Variants in PFKFB3 observed in about 807,000 individuals in gnomAD.
The protein encoded by PFKFB3 is 6-phosphofructo-2-kinase/fructose-2,6-biphosphatase 3, also known as 6-phosphofructo-2-kinase/fructose-2,6-bisphosphatase 3.
A neutral mutation model predicts 68.0 loss-of-function variants in PFKFB3; 33 were observed. That is an observed-to-expected ratio of 0.49 (90% confidence interval 0.37 to 0.65). The LOEUF (loss-of-function observed/expected upper bound fraction) is 0.65. Among genes scored for constraint, PFKFB3 ranks in the 30% least tolerant of loss-of-function variants. The pLI is 0.00. For synonymous variants in PFKFB3, 315 were observed against 288.2 expected (o/e 1.09, Z -0.94); for missense variants, 586 against 712.2 (o/e 0.82, Z 2.02).
chr10:6,187,124 G>T (rs892666375), intron 1 of PFKFB3, among the ~76,000 whole-genome samples: 4 of 152,062 alleles, frequency 2.6e-5, no homozygotes, highest in Non-Finnish European at 5.9e-5. Flanking sequence ...ATTTTGGGAG[G>T]CCAAGGCGGG....
chr10:6,231,193 C>A (rs1007659774), intron 14 of PFKFB3: 1 of 1,097,156 alleles, frequency 9.1e-7, no homozygotes, highest in Non-Finnish European at 1.4e-6. Flanking sequence ...CTAGAAAATC[C>A]TACTAAAGAT....
At chr10:6,203,906 TTCTC>T (rs1216197573) in intron 1 of PFKFB3, among the ~76,000 whole-genome samples, 1 of 150,558 alleles carries the variant, frequency 6.6e-6, no homozygotes, top group Non-Finnish European at 1.5e-5. Context: ...TTTTATCTCT[TTCTC>T]TCTCCTTCTC....
chr10:6,320,331 C>A, the PFKFB3 span, among the ~76,000 whole-genome samples: 1 of 152,114 alleles, frequency 6.6e-6, no homozygotes, highest in Admixed American at 6.5e-5. Context: ...TTTGGCTCAA[C>A]CTGGTTTTAA....
At chr10:6,173,182 C>G (rs1270448078) in intron 1 of PFKFB3, among the ~76,000 whole-genome samples, 1 of 152,176 alleles carries the variant, frequency 6.6e-6, no homozygotes, top group South Asian at 2.1e-4. Context: ...CCCTGACTTT[C>G]TAGGCAGAGT....
At chr10:6,308,987 G>A in the PFKFB3 span, among the ~76,000 whole-genome samples, 5,387 of 152,270 alleles carry the variant, frequency 0.035, 146 homozygotes, top group Middle Eastern at 0.15. Flanking sequence ...TGGGACTTTT[G>A]GGATGCTCTA....
chr10:6,224,398 C>G, intron 13 of PFKFB3, 185 bp downstream of exon 13: 2 of 632,700 alleles, frequency 3.2e-6, no homozygotes, highest in Admixed American at 2.6e-5. Flanking sequence ...CTTCTGGGGC[C>G]TTCTCATTTT....
rs1564619690 is a variant in PFKFB3, at chr10:6,206,823, TCCTCACTTCCCA to T, written c.76+3488_76+3499del. 9.6e-3 allele frequency among the ~76,000 whole-genome samples: 186 copies of T among 19,396 alleles called. 1 individual carries two copies. The highest frequency in any genetic ancestry group is 0.028 in the African/African-American group (176 of 6,218). 12.7% of individuals were successfully genotyped at this position (19,396 alleles called of 152,430 possible). A position where few individuals can be genotyped will look rare whatever the true frequency, so the allele number is the denominator to read the frequency against. On this transcript the variant is annotated intron_variant, in intron 1 of 14. Coordinates refer to ENST00000379775, the MANE Select transcript of PFKFB3 (RefSeq NM_004566.4). Reference sequence around the variant, plus strand: ...ACGATGGGCGGCCGGGCAGAGACGCTCCTCACTTCCCAGACGGGGTGGCGGCCGGGCAGAGAC... The same window carrying T: ...ACGATGGGCGGCCGGGCAGAGACGCTGACGGGGTGGCGGCCGGGCAGAGAC...
At position 6,203,189 on chromosome 10, in the gene PFKFB3, G is replaced by A. The variant is rs1010145020; in HGVS notation, c.-72G>A. ...CCCCCTCTCCTCCTTTGTTCCGGGG[G>A]TCGGCGGCCGCTCTCCTGCCAGCGT... On this transcript the variant is annotated 5_prime_UTR_variant, in exon 1 of 15. Transcript: ENST00000379775. 2.5e-5 allele frequency: 39 copies of A among 1,565,350 alleles called. No individual in the cohort carries two copies. The African/African-American group carries it at 4.1e-4, about 17-fold the overall frequency.
upstream of PFKFB3, among the ~76,000 whole-genome samples, chr10:6,199,838 C>A (rs1588459261): frequency 6.6e-6 from 1 of 151,596 alleles, no homozygotes; most frequent in Non-Finnish European, 1.5e-5. Context: ...ATGTCTCATT[C>A]TACTCACGGA....
intron 1 of PFKFB3, among the ~76,000 whole-genome samples, chr10:6,178,471 C>G (rs543023143): frequency 6.6e-6 from 1 of 152,182 alleles, no homozygotes; most frequent in African/African-American, 2.4e-5. Context: ...CAAGCTCAGG[C>G]GGGAGCTTTG....
At position 6,213,764 on chromosome 10, in the gene PFKFB3, G is replaced by GAGC; in HGVS notation, c.202+18_202+19insCAG. On this transcript the variant is annotated intron_variant, in intron 2 of 14. Coordinates refer to ENST00000379775, the MANE Select transcript of PFKFB3 (RefSeq NM_004566.4). The stretch of plus-strand genomic sequence containing the variant: ...CCCACAAAAGGTGAGACTGGGTCTC[G>GAGC]AGGCCGGACCCCTGCTCGTGCAAAA... The GAGC allele has an allele frequency of 6.2e-7, 1 of 1,609,968 alleles. No individual in the cohort carries two copies. Among genetic ancestry groups the GAGC allele is most frequent in the Admixed American group, 1.7e-5 (1 of 59,396 alleles).
chr10:6,186,469 A>G (rs1842870862), intron 1 of PFKFB3, among the ~76,000 whole-genome samples: 2 of 152,216 alleles, frequency 1.3e-5, no homozygotes, highest in Admixed American at 1.3e-4. Context: ...ACCAGTGAAC[A>G]GTGCCCCCAC....
At chr10:6,213,425 C>T (rs1418638943) in intron 1 of PFKFB3, among the ~76,000 whole-genome samples, 198 bp from the exon 2 acceptor site, 1 of 152,088 alleles carries the variant, frequency 6.6e-6, no homozygotes, top group Non-Finnish European at 1.5e-5. Flanking sequence ...GAGGCTAAGG[C>T]CGGAGGATTG....
At chr10:6,238,918 T>C (rs1201222908), downstream of PFKFB3, among the ~76,000 whole-genome samples, 3 of 152,226 alleles carry the variant, frequency 2.0e-5, no homozygotes, top group African/African-American at 4.8e-5. Flanking sequence ...TTCATGGCTG[T>C]ATAGTATTCC....
chr10:6,150,497 G>A (rs868016154), intron 1 of PFKFB3, among the ~76,000 whole-genome samples: 16 of 151,726 alleles, frequency 1.1e-4, no homozygotes, highest in Admixed American at 3.9e-4. Context: ...GGTGGTGGGC[G>A]CCTGTAATCC....
In PFKFB3 at chr10:6,235,502, C is replaced by T. The variant is rs1189547063; in HGVS notation, c.*2560C>T. 1 of 152,230 alleles carries T rather than the reference C, an allele frequency of 6.6e-6. No individual in the cohort carries two copies. The highest frequency in any genetic ancestry group is 6.6e-5 in the Admixed American group (1 of 15,266). The allele number at this position is 152,230 out of a possible 1,614,324, so 9.4% of individuals were successfully genotyped here. Reference sequence around the variant, plus strand: ...CAGAAATTTGTATATTTTGCAGTTGCCAGACCAATAAAATACCTGGTTGAA... The same window carrying T: ...CAGAAATTTGTATATTTTGCAGTTGTCAGACCAATAAAATACCTGGTTGAA... On this transcript the variant is annotated 3_prime_UTR_variant, in exon 15 of 15. Coordinates refer to ENST00000379775, the MANE Select transcript of PFKFB3 (RefSeq NM_004566.4).
chr10:6,181,477 T>C (rs112058269), intron 1 of PFKFB3, among the ~76,000 whole-genome samples: 13 of 152,314 alleles, frequency 8.5e-5, no homozygotes, highest in African/African-American at 3.1e-4. Context: ...TGCTACAACA[T>C]ACATCAGCCC....
chr10:6,324,826 A>T, the PFKFB3 span, among the ~76,000 whole-genome samples: 1 of 152,200 alleles, frequency 6.6e-6, no homozygotes, highest in Non-Finnish European at 1.5e-5. Flanking sequence ...AAAGGAAAAA[A>T]AAAAAGAAGA....
At chr10:6,162,899 C>T (rs1268489887) in intron 1 of PFKFB3, among the ~76,000 whole-genome samples, 1 of 152,204 alleles carries the variant, frequency 6.6e-6, no homozygotes, top group Non-Finnish European at 1.5e-5. Flanking sequence ...CTTTTGTGTG[C>T]CTCTTCTTGC....
Sources: gnomAD v4.1 joint callset for allele counts (sites outside exome capture counted in the v4.1 genomes callset) on GRCh38, gnomAD v4.1.1 for gene constraint, MANE v1.5 for transcripts, NCBI Gene and HGNC (gene_info 2026-07-23, HGNC 2026-07-21) for gene names.